The following RSRC1 variants were observed in gnomAD, a reference collection of about 807,000 sequenced individuals.
RSRC1 encodes the protein arginine and serine rich coiled-coil 1, also known as serine/Arginine-related protein 53.
In RSRC1, 39 loss-of-function variants were observed where a neutral mutation model predicts 49.1. The ratio of observed to expected loss-of-function variants is 0.79; its 90% CI spans 0.61 to 1.04. RSRC1 has a LOEUF of 1.04. Among genes scored for constraint, RSRC1 ranks in the 50% least tolerant of loss-of-function variants. The pLI is 0.00. For synonymous variants in RSRC1, 143 were observed against 130.8 expected (o/e 1.09, Z -0.63); for missense variants, 388 against 402.4 (o/e 0.96, Z 0.31).
At chr3:158,137,948 C>T (rs1716510934) in intron 3 of RSRC1, among the ~76,000 whole-genome samples, 1 of 152,146 alleles carries the variant, frequency 6.6e-6, no homozygotes, top group South Asian at 2.1e-4. Flanking sequence ...CAGGCTTGAG[C>T]CACTGTGCCC....
chr3:158,409,728 GGAT>G (rs10585304), intron 6 of RSRC1, among the ~76,000 whole-genome samples: 75,626 of 151,610 alleles, frequency 0.5, 19,112 homozygotes, highest in South Asian at 0.6. Flanking sequence ...CTGTGCTTTA[GGAT>G]GATAACTTTG....
intron 4 of RSRC1, among the ~76,000 whole-genome samples, chr3:158,222,179 T>A (rs1014457633): frequency 6.6e-6 from 1 of 151,524 alleles, no homozygotes; most frequent in African/African-American, 2.4e-5. Context: ...GAGGAGCACA[T>A]AATTGTGGGG....
chr3:158,349,186 A>G (rs1052599771), intron 5 of RSRC1, among the ~76,000 whole-genome samples: 8 of 152,168 alleles, frequency 5.3e-5, no homozygotes, highest in Non-Finnish European at 1.2e-4. Flanking sequence ...ATCCCCATCA[A>G]CAGTGTGTGA....
chr3:158,243,129 T>A (rs1329044820), intron 4 of RSRC1, among the ~76,000 whole-genome samples: 2 of 152,196 alleles, frequency 1.3e-5, no homozygotes, highest in Non-Finnish European at 2.9e-5. Flanking sequence ...TGCCCATGCC[T>A]ATGTCCTGAA....
intron 7 of RSRC1, among the ~76,000 whole-genome samples, chr3:158,530,805 C>A (rs1219393527): frequency 1.3e-5 from 2 of 151,202 alleles, no homozygotes; most frequent in Non-Finnish European, 2.9e-5. Context: ...AAACTCACCA[C>A]TGAGGGTGCA....
chr3:158,131,899 C>G (rs1716048053), intron 3 of RSRC1, among the ~76,000 whole-genome samples: 1 of 152,018 alleles, frequency 6.6e-6, no homozygotes, highest in Admixed American at 6.6e-5. Flanking sequence ...ATGCATTTAT[C>G]TAGTAAAATA....
chr3:158,139,233 T>C (rs1170329331), intron 3 of RSRC1, among the ~76,000 whole-genome samples: 2 of 151,986 alleles, frequency 1.3e-5, no homozygotes, highest in African/African-American at 4.8e-5. Flanking sequence ...AAACCCTGTC[T>C]CTACTAAAAA....
chr3:158,392,567 T>C (rs924424006), intron 6 of RSRC1, among the ~76,000 whole-genome samples: 2 of 151,922 alleles, frequency 1.3e-5, no homozygotes, highest in African/African-American at 4.8e-5. Flanking sequence ...AAACCAACTA[T>C]GATCCAAAAA....
At chr3:158,192,003 G>C (rs749187370) in intron 3 of RSRC1, among the ~76,000 whole-genome samples, 4 of 151,904 alleles carry the variant, frequency 2.6e-5, no homozygotes, top group Non-Finnish European at 4.4e-5. Context: ...TTGGTTTCAT[G>C]GTTGTTTTTA....
intron 3 of RSRC1, among the ~76,000 whole-genome samples, chr3:158,174,411 A>T (rs1371437393): frequency 6.6e-6 from 1 of 152,026 alleles, no homozygotes; most frequent in Admixed American, 6.6e-5. Flanking sequence ...ATAAATGTTC[A>T]GCTCAATGAA....
intron 4 of RSRC1, among the ~76,000 whole-genome samples, chr3:158,260,292 C>T (rs1724815941): frequency 6.6e-6 from 1 of 152,128 alleles, no homozygotes; most frequent in African/African-American, 2.4e-5. Flanking sequence ...CTTGCCAGGA[C>T]TAGGTCTTCC....
At chr3:158,380,583 T>A (rs1732648402) in intron 6 of RSRC1, among the ~76,000 whole-genome samples, 1 of 152,222 alleles carries the variant, frequency 6.6e-6, no homozygotes, top group South Asian at 2.1e-4. Context: ...ATCTCTAGTT[T>A]GCAAGTTGTC....
intron 7 of RSRC1, among the ~76,000 whole-genome samples, chr3:158,474,797 A>G (rs1738294406): frequency 6.6e-6 from 1 of 152,086 alleles, no homozygotes; most frequent in Non-Finnish European, 1.5e-5. Flanking sequence ...CACCTTAAAT[A>G]CTGTACCTAC....
At chr3:158,226,014 G>A (rs2108302944) in intron 4 of RSRC1, among the ~76,000 whole-genome samples, 1 of 151,976 alleles carries the variant, frequency 6.6e-6, no homozygotes, top group South Asian at 2.1e-4. Flanking sequence ...ATGAAGCAAA[G>A]GTGTTACTTC....
At chr3:158,298,975 G>A (rs898844570) in intron 5 of RSRC1, among the ~76,000 whole-genome samples, 2 of 152,074 alleles carry the variant, frequency 1.3e-5, no homozygotes, top group Non-Finnish European at 2.9e-5. Context: ...ATAGTTGGAA[G>A]GAATTTTTGG....
At chr3:158,488,128 G>A (rs1384104477) in intron 7 of RSRC1, among the ~76,000 whole-genome samples, 1 of 151,992 alleles carries the variant, frequency 6.6e-6, no homozygotes, top group Admixed American at 6.6e-5. Flanking sequence ...GCAGTCACAA[G>A]AGTGATCTTC....
chr3:158,416,094 A>T (rs1734722953), intron 6 of RSRC1, among the ~76,000 whole-genome samples: 1 of 151,800 alleles, frequency 6.6e-6, no homozygotes, highest in Non-Finnish European at 1.5e-5. Flanking sequence ...TGCTTTCTTT[A>T]TTTTGTCATT....
intron 4 of RSRC1, among the ~76,000 whole-genome samples, chr3:158,270,208 C>G (rs2108053234): frequency 6.6e-6 from 1 of 152,296 alleles, no homozygotes; most frequent in Admixed American, 6.5e-5. Context: ...ATCATACTCC[C>G]TGCTGCCTTT....
chr3:158,363,199 A>T (rs1269632864), intron 6 of RSRC1, among the ~76,000 whole-genome samples: 1 of 152,164 alleles, frequency 6.6e-6, no homozygotes, highest in African/African-American at 2.4e-5. Flanking sequence ...GTAAAAAGTT[A>T]CAGAGCTAAT....
Sources: gnomAD v4.1 joint callset for allele counts (sites outside exome capture counted in the v4.1 genomes callset) on GRCh38, gnomAD v4.1.1 for gene constraint, MANE v1.5 for transcripts, NCBI Gene and HGNC (gene_info 2026-07-23, HGNC 2026-07-21) for gene names.